USP40: variants seen among roughly 807,000 people sequenced by gnomAD.
USP40 encodes the protein ubiquitin specific peptidase 40, also known as ubiquitin carboxyl-terminal hydrolase 40.
In USP40, 143 loss-of-function variants were observed where a neutral mutation model predicts 166.2. The observed-to-expected ratio is 0.86, with a 90% CI of 0.75 to 0.99. The LOEUF is 0.99. Ranked by LOEUF, USP40 falls within the 50% of genes least tolerant of loss-of-function variation. The pLI, the probability that USP40 is intolerant of heterozygous loss-of-function variation, is 0.00. For synonymous variants in USP40, 498 were observed against 524.0 expected (o/e 0.95, Z 0.68); for missense variants, 1,444 against 1,479.7 (o/e 0.98, Z 0.40).
intron 12 of USP40, among the ~76,000 whole-genome samples, chr2:233,527,942 C>T (rs181927336): frequency 1.3e-5 from 2 of 151,892 alleles, no homozygotes; most frequent in African/African-American, 4.8e-5. Flanking sequence ...TGTCATCTAT[C>T]ATCCTTATTT....
chr2:233,526,480 T>C (rs1386324355), intron 13 of USP40, among the ~76,000 whole-genome samples: 1 of 152,178 alleles, frequency 6.6e-6, no homozygotes, highest in African/African-American at 2.4e-5. Flanking sequence ...TGATCTAGTA[T>C]TTAAAAAACT....
rs374106216 is a variant in USP40, at chr2:233,485,895, C to T, written c.3280G>A (p.Ala1094Thr). Residue 1094 changes from alanine (A) to threonine (T), a missense_variant, in exon 29 of 32, where the codon GCG (alanine) becomes ACG (threonine). Coordinates refer to ENST00000678225, the MANE Select transcript of USP40 (RefSeq NM_001365479.2). ...YAPALDLVWN[A>T]AQGGTAGSLR... Reference sequence around the variant, plus strand: ...GAGCCGGCAGTCCCACCCTGGGCCGCGTTCCACACCAGGTCCAGGGCAGGG... The same window carrying T: ...GAGCCGGCAGTCCCACCCTGGGCCGTGTTCCACACCAGGTCCAGGGCAGGG... 144 of 1,603,164 alleles carry T rather than the reference C, an allele frequency of 9.0e-5. No homozygotes were observed. The highest frequency in any genetic ancestry group is 8.2e-4 in the Middle Eastern group (5 of 6,074).
Position 233,560,367 on chromosome 2 carries a change from C to T in USP40, c.268-443G>A, listed in dbSNP as rs77800545. Among the ~76,000 whole-genome samples, 961 of 152,318 alleles carry T rather than the reference C, an allele frequency of 6.3e-3. 22 individuals carry two copies. The East Asian group carries it at 0.083, about 13-fold the overall frequency. On this transcript the variant is annotated intron_variant, in intron 3 of 31. Coordinates refer to ENST00000678225, the MANE Select transcript of USP40 (RefSeq NM_001365479.2). ...CTTTCTCCTGGCTCCAAGTGAGTTC[C>T]TGCCTTACTTGATGTGGTGAGGGCT...
In USP40 at chr2:233,524,458, T is replaced by A. The variant is rs1323164241; in HGVS notation, c.1881+34A>T. The A allele has an allele frequency of 1.9e-6, 3 of 1,582,156 alleles. No homozygotes were observed. The East Asian group carries it at 6.9e-5, about 36-fold the overall frequency. Reference sequence around the variant, plus strand: ...ACGATGACTTTTAAAACATCCAAAATTATCACGAATATTTCTTCAGTAATT... The same window carrying A: ...ACGATGACTTTTAAAACATCCAAAAATATCACGAATATTTCTTCAGTAATT... On this transcript the variant is annotated intron_variant, in intron 15 of 31. Coordinates refer to ENST00000678225, the MANE Select transcript of USP40 (RefSeq NM_001365479.2).
intron 21 of USP40, among the ~76,000 whole-genome samples, chr2:233,508,946 C>A (rs183087720): frequency 6.6e-6 from 1 of 152,288 alleles, no homozygotes; most frequent in African/African-American, 2.4e-5. Context: ...GCTCCTCAAT[C>A]TCTTTGATGA....
At chr2:233,539,588 T>G (rs1431162535) in intron 10 of USP40, among the ~76,000 whole-genome samples, 2 of 152,100 alleles carry the variant, frequency 1.3e-5, no homozygotes, top group Non-Finnish European at 2.9e-5. Flanking sequence ...GAAAGCTTGT[T>G]GAATATAACT....
At chr2:233,526,374 C>T (rs185658189) in intron 13 of USP40, among the ~76,000 whole-genome samples, 83 of 152,128 alleles carry the variant, frequency 5.5e-4, no homozygotes, top group African/African-American at 2.0e-3. Context: ...TTCAGATTCC[C>T]ACATCTGCCT....
chr2:233,555,639 T>TTC (rs1327299404), intron 5 of USP40, among the ~76,000 whole-genome samples: 1 of 149,390 alleles, frequency 6.7e-6, no homozygotes, highest in African/African-American at 2.5e-5. Flanking sequence ...AATCACTCTT[T>TTC]TTTTTTTTTT....
At chr2:233,481,488 C>T in intron 30 of USP40, 191 bp from the exon 31 acceptor site, 1 of 588,436 alleles carries the variant, frequency 1.7e-6, no homozygotes, top group Non-Finnish European at 3.0e-6. Flanking sequence ...AAGAAGAGCT[C>T]CACAAGGGAA....
intron 22 of USP40, among the ~76,000 whole-genome samples, chr2:233,498,923 A>C (rs2065898452): frequency 6.6e-6 from 1 of 152,170 alleles, no homozygotes; most frequent in South Asian, 2.1e-4. Context: ...GAATGCACTG[A>C]AATTTGGAAT....
At chr2:233,494,026 T>TC (rs1397023701) in intron 24 of USP40, among the ~76,000 whole-genome samples, 1 of 152,198 alleles carries the variant, frequency 6.6e-6, no homozygotes, top group Non-Finnish European at 1.5e-5. Context: ...AGCTAGTTCT[T>TC]CCCACCTCAT....
At chr2:233,535,810 T>C (rs1043888933) in intron 10 of USP40, among the ~76,000 whole-genome samples, 3 of 152,320 alleles carry the variant, frequency 2.0e-5, no homozygotes, top group African/African-American at 7.2e-5. Flanking sequence ...TAGGAATAAG[T>C]TGTTTTTCTT....
At position 233,485,578 on chromosome 2, in the gene USP40, G is replaced by T; in HGVS notation, c.3457C>A (p.Gln1153Lys). The stretch of plus-strand genomic sequence containing the variant: ...TCTTTCAAGTAATACGGTGCCCCTT[G>T]CAAATAATCTTGTTTTTTTTTCTTT... ...RKKKKKQDYL[Q>K]GAPYYLKDGD... The change falls in exon 30 of 32, where the codon CAA (glutamine) becomes AAA (lysine). Residue 1153 changes from glutamine (Q) to lysine (K), a missense_variant. Physicochemically the swap from Gln to Lys is moderately conservative, Grantham distance 53 (BLOSUM62 1). Coordinates refer to ENST00000678225, the MANE Select transcript of USP40 (RefSeq NM_001365479.2). 1 of 1,613,864 alleles carries T rather than the reference G, an allele frequency of 6.2e-7. No individual in the cohort carries two copies. The highest frequency in any genetic ancestry group is 1.1e-5 in the South Asian group (1 of 91,050).
intron 2 of USP40, among the ~76,000 whole-genome samples, chr2:233,564,248 T>C (rs1262449409): frequency 6.6e-6 from 1 of 152,054 alleles, no homozygotes; most frequent in African/African-American, 2.4e-5. Flanking sequence ...ATTTGATAAA[T>C]GTGGTGGCAG....
chr2:233,533,768 G>A lies in USP40; in HGVS notation c.1182C>T (p.Leu394=), dbSNP rs765768770. Residue 394 remains leucine (L), a synonymous_variant, in exon 11 of 32, where the codon CTC becomes CTT. Transcript: ENST00000678225. ...AACTGAGTAGAAATATCTGAGAATG[G>A]AGCTGTAAGAACTACACAGAAACAA... ...QHGPLRKFLQ[L]HSQIFLLSSD... is the part of the protein sequence containing the mutation. The A allele has an allele frequency of 6.9e-6, 11 of 1,593,798 alleles. No individual in the cohort carries two copies. The Admixed American group carries it at 1.9e-4, about 28-fold the overall frequency.
chr2:233,561,443 A>C (rs2071601149), intron 3 of USP40, among the ~76,000 whole-genome samples: 1 of 150,792 alleles, frequency 6.6e-6, no homozygotes, highest in African/African-American at 2.4e-5. Context: ...TCTTTGACAA[A>C]CCTGAGAAAA....
intron 8 of USP40, 53 bp from the exon 9 acceptor site, chr2:233,542,416 A>G: frequency 2.6e-6 from 3 of 1,135,176 alleles, no homozygotes; most frequent in South Asian, 1.4e-5. Context: ...AAAAGTAACA[A>G]AATAGGAATG....
At chr2:233,560,837 CA>C in intron 3 of USP40, 3 of 536,932 alleles carry the variant, frequency 5.6e-6, no homozygotes, top group Non-Finnish European at 1.0e-5. Context: ...GGTATTGTTG[CA>C]AAAAAAGTGC....
chr2:233,487,935 C>T (rs546225191), intron 28 of USP40: 33 of 590,210 alleles, frequency 5.6e-5, no homozygotes, highest in African/African-American at 5.1e-4. Flanking sequence ...GCAGACTGTC[C>T]GAACACACTG....
Sources: gnomAD v4.1 joint callset for allele counts (sites outside exome capture counted in the v4.1 genomes callset) on GRCh38, gnomAD v4.1.1 for gene constraint, MANE v1.5 for transcripts, NCBI Gene and HGNC (gene_info 2026-07-23, HGNC 2026-07-21) for gene names.